The following DYSF variants were observed in gnomAD, a reference collection of about 807,000 sequenced individuals.
DYSF encodes dysferlin.
DYSF carries 212 observed loss-of-function variants against 274.9 expected under a neutral mutation model. The ratio of observed to expected loss-of-function variants is 0.77; its 90% CI spans 0.69 to 0.86. The LOEUF (loss-of-function observed/expected upper bound fraction) is 0.86. Ranked by LOEUF, DYSF falls within the 40% of genes least tolerant of loss-of-function variation. The pLI is 0.00. For missense variants in DYSF, 2,666 were observed against 2,783.2 expected (o/e 0.96, Z 0.95); for synonymous variants, 1,091 against 1,078.7 (o/e 1.01, Z -0.22).
At chr2:71,592,520 C>G (rs2093296564) in intron 32 of DYSF, among the ~76,000 whole-genome samples, 1 of 152,260 alleles carries the variant, frequency 6.6e-6, no homozygotes, top group South Asian at 2.1e-4. Flanking sequence ...AGCAATTTCT[C>G]CCCTGGAACT....
chr2:71,638,946 C>A (rs939009921), intron 41 of DYSF, among the ~76,000 whole-genome samples: 1 of 152,220 alleles, frequency 6.6e-6, no homozygotes, highest in African/African-American at 2.4e-5. Context: ...TACATCCTCA[C>A]CAGCAGTGTA....
intron 1 of DYSF, among the ~76,000 whole-genome samples, chr2:71,468,179 C>G (rs182863678): frequency 6.6e-6 from 1 of 152,228 alleles, no homozygotes; most frequent in Non-Finnish European, 1.5e-5. Context: ...CCACCTGATG[C>G]TGCCTAAGGC....
intron 32 of DYSF, among the ~76,000 whole-genome samples, chr2:71,594,493 C>T (rs1168384250): frequency 6.6e-6 from 1 of 152,194 alleles, no homozygotes; most frequent in Non-Finnish European, 1.5e-5. Flanking sequence ...CACTCATTAG[C>T]TCCCCAGAAA....
chr2:71,593,803 G>T (rs1354975729), intron 32 of DYSF, among the ~76,000 whole-genome samples: 1 of 152,176 alleles, frequency 6.6e-6, no homozygotes, highest in Non-Finnish European at 1.5e-5. Context: ...CTATCATGAG[G>T]TCACCACGTT....
At chr2:71,549,332 C>T in intron 17 of DYSF, 1 of 1,611,588 alleles carries the variant, frequency 6.2e-7, no homozygotes, top group Non-Finnish European at 8.5e-7. Flanking sequence ...ACCCCTTTTC[C>T]ATTTCTTTAC....
intron 13 of DYSF, 140 bp downstream of exon 13, chr2:71,526,486 G>T (rs944701405): frequency 7.9e-7 from 1 of 1,262,360 alleles, no homozygotes; most frequent in Admixed American, 2.6e-5. Flanking sequence ...TTAACGAAAA[G>T]TAATCAGTGC....
At chr2:71,529,865 G>C (rs552190213) in intron 14 of DYSF, among the ~76,000 whole-genome samples, 1 of 152,044 alleles carries the variant, frequency 6.6e-6, no homozygotes. Flanking sequence ...TTCTCCCTCC[G>C]CTTCGTTGAG....
intron 32 of DYSF, among the ~76,000 whole-genome samples, chr2:71,591,137 C>G (rs2093251677): frequency 2.0e-5 from 3 of 152,382 alleles, no homozygotes; most frequent in Non-Finnish European, 4.4e-5. Flanking sequence ...CCCACCAACT[C>G]TGTCCACGTT....
Position 71,564,155 on chromosome 2 carries a change from G to A in DYSF, c.2507G>A (p.Arg836Gln), listed in dbSNP as rs754431230. Residue 836 changes from arginine (R) to glutamine (Q), a missense_variant, in exon 24 of 56, where the codon CGG (arginine) becomes CAG (glutamine). This residue lies in a region of DYSF where 412 missense variants were observed against 504.0 expected (regional missense o/e 0.82). Coordinates refer to ENST00000410020, the MANE Select transcript of DYSF (RefSeq NM_001130987.2). Reference protein sequence around the residue: ...RVPAHQVLFSRRGANYCGKNC... With the variant: ...RVPAHQVLFSQRGANYCGKNC... The stretch of plus-strand genomic sequence containing the variant: ...CCCGCCCACCAAGTCCTCTTCTCCC[G>A]GCGGGGTGCCAACTACTGTGGCAAG... The A allele has an allele frequency of 6.2e-6, 10 of 1,614,148 alleles. No individual in the cohort carries two copies. Among genetic ancestry groups the A allele is most frequent in the African/African-American group, 4.0e-5 (3 of 74,950 alleles).
Position 71,510,029 on chromosome 2 carries a change from C to T in DYSF, c.346-1778C>T, listed in dbSNP as rs560220768. Reference sequence around the variant, plus strand: ...CTGACCTCAAGAGATCCGCCTGGCTCGGCCTCCCAAAGGGATTACAGGCAT... The same window carrying T: ...CTGACCTCAAGAGATCCGCCTGGCTTGGCCTCCCAAAGGGATTACAGGCAT... On this transcript the variant is annotated intron_variant, in intron 4 of 55. Transcript: ENST00000410020. 4.6e-5 allele frequency among the ~76,000 whole-genome samples: 7 copies of T among 152,316 alleles called. No individual in the cohort carries two copies. In the South Asian group the frequency reaches 8.3e-4, roughly 18 times the overall value.
rs533282560 is a variant in DYSF, at chr2:71,515,125, C to T, written c.760-498C>T. Among the ~76,000 whole-genome samples the T allele has an allele frequency of 1.2e-4, 18 of 152,268 alleles. No individual in the cohort carries two copies. The East Asian group carries it at 3.5e-3, about 29-fold the overall frequency. ...TTGGAAGCATAGACGTTCTTGAAGT[C>T]TTCATTTACTTACAGCTCAATGGCA... On this transcript the variant is annotated intron_variant, in intron 7 of 55. Transcript: ENST00000410020.
At chr2:71,651,406 A>G (rs1451290694) in intron 42 of DYSF, among the ~76,000 whole-genome samples, 1 of 152,134 alleles carries the variant, frequency 6.6e-6, no homozygotes, top group African/African-American at 2.4e-5. Context: ...TTCTAAGTAT[A>G]TTTCTATGTT....
chr2:71,618,284 AGGT>A (rs1221992817), intron 40 of DYSF, among the ~76,000 whole-genome samples: 1 of 14,870 alleles, frequency 6.7e-5, no homozygotes, highest in Non-Finnish European at 1.2e-4. Flanking sequence ...TGTGTGGTAG[AGGT>A]GTGTGTGTGG....
chr2:71,480,889 A>C lies in DYSF; in HGVS notation c.98A>C (p.Lys33Thr), dbSNP rs539484245. ...PVASLTFRGVKKRTKVIKNSV... is the reference protein window; with the variant it reads ...PVASLTFRGVTKRTKVIKNSV... ...CCTTTTGTGTCTCTTGTAGGGGTGAAGAAGAGAACCAAAGTCATCAAGAAC... is the reference window on the plus strand; with the variant it reads ...CCTTTTGTGTCTCTTGTAGGGGTGACGAAGAGAACCAAAGTCATCAAGAAC... The change falls in exon 2 of 56, where the codon AAG becomes ACG. Residue 33 changes from lysine to threonine, a missense_variant. This residue lies in a region of DYSF where 794 missense variants were observed against 777.1 expected (regional missense o/e 1.02). Coordinates refer to ENST00000410020, the MANE Select transcript of DYSF (RefSeq NM_001130987.2). The C allele has an allele frequency of 6.2e-6, 10 of 1,614,056 alleles. No individual in the cohort carries two copies. In the African/African-American group the frequency reaches 1.3e-4, roughly 22 times the overall value.
At chr2:71,548,866 C>T (rs992496426) in intron 17 of DYSF, among the ~76,000 whole-genome samples, 4 of 152,148 alleles carry the variant, frequency 2.6e-5, no homozygotes, top group Admixed American at 1.3e-4. Flanking sequence ...CTGCTCGGCG[C>T]GCCTGGTCCC....
intron 42 of DYSF, among the ~76,000 whole-genome samples, chr2:71,646,191 C>T: frequency 6.6e-6 from 1 of 152,202 alleles, no homozygotes; most frequent in East Asian, 1.9e-4. Flanking sequence ...GGCAAAGAGA[C>T]AGAACTATTT....
In DYSF at chr2:71,660,556, C is replaced by G; in HGVS notation, c.4912-4C>G. ...TCACAGAAGTGTTTTGTCTCCTCCT[C>G]CAGTGTGATCCTTACATCAAGATCT... is the stretch of plus-strand genomic sequence containing the variant. On this transcript the variant is annotated splice_polypyrimidine_tract_variant and splice_region_variant and intron_variant, in intron 44 of 55. Transcript: ENST00000410020. 1.2e-6 allele frequency: 2 copies of G among 1,613,222 alleles called. No individual in the cohort carries two copies. Among genetic ancestry groups the G allele is most frequent in the Non-Finnish European group, 1.7e-6 (2 of 1,179,204 alleles).
At chr2:71,454,501 TC>T (rs2080969619) in intron 1 of DYSF, among the ~76,000 whole-genome samples, 1 of 152,214 alleles carries the variant, frequency 6.6e-6, no homozygotes, top group South Asian at 2.1e-4. Flanking sequence ...CCCGCCCCGA[TC>T]TGCGCCTGGC....
At position 71,590,626 on chromosome 2, in the gene DYSF, G is replaced by A. The variant is rs2093235207; in HGVS notation, c.3574+338G>A. On this transcript the variant is annotated intron_variant, in intron 32 of 55. Transcript: ENST00000410020. Reference sequence around the variant, plus strand: ...CCCTATAAGCCTGATGCTCCAAGAAGTCTTGTCTGTGTCCTCTCTCTGGGC... The same window carrying A: ...CCCTATAAGCCTGATGCTCCAAGAAATCTTGTCTGTGTCCTCTCTCTGGGC... 2.6e-5 allele frequency among the ~76,000 whole-genome samples: 4 copies of A among 152,166 alleles called. No individual in the cohort carries two copies. The South Asian group carries it at 8.3e-4, about 32-fold the overall frequency.
Sources: allele counts gnomAD v4.1 joint callset (sites outside exome capture counted in the v4.1 genomes callset), GRCh38; gene constraint gnomAD v4.1.1; regional missense constraint gnomAD v4.1.1; transcripts MANE v1.5; gene names NCBI Gene and HGNC (gene_info 2026-07-23, HGNC 2026-07-21).